Variants in SEZ6L observed in about 807,000 individuals in gnomAD.
The protein encoded by SEZ6L is seizure 6-like protein.
In SEZ6L, 37 loss-of-function variants were observed where a neutral mutation model predicts 106.2. The ratio of observed to expected loss-of-function variants is 0.35; its 90% CI spans 0.27 to 0.46. The LOEUF (loss-of-function observed/expected upper bound fraction) is 0.46. SEZ6L is among the 20% of genes least tolerant of loss of function. The probability of loss-of-function intolerance (pLI) is 1.00; values close to 1 mark genes in which losing one functional copy is unlikely to be tolerated. For missense variants in SEZ6L, 1,172 were observed against 1,332.8 expected (o/e 0.88, Z 1.88); for synonymous variants, 541 against 570.4 (o/e 0.95, Z 0.73).
intron 1 of SEZ6L, among the ~76,000 whole-genome samples, chr22:26,173,058 C>T (rs1938733314): frequency 6.6e-6 from 1 of 152,136 alleles, no homozygotes; most frequent in South Asian, 2.1e-4. Flanking sequence ...AACACATGGC[C>T]TTCAGCAGAA....
chr22:26,208,850 CTGTGTGTGTGTG>C (rs35483380), intron 1 of SEZ6L, among the ~76,000 whole-genome samples: 6,969 of 111,766 alleles, frequency 0.062, 282 homozygotes, highest in East Asian at 0.19. Flanking sequence ...GACTCTCTCT[CTGTGTGTGTGTG>C]TGTGTGTGTG....
At chr22:26,203,764 C>G (rs1264640882) in intron 1 of SEZ6L, among the ~76,000 whole-genome samples, 1 of 152,166 alleles carries the variant, frequency 6.6e-6, no homozygotes, top group Non-Finnish European at 1.5e-5. Context: ...GTTTGGAACC[C>G]TGGTATGTTT....
At chr22:26,376,557 C>T (rs554255295) in intron 15 of SEZ6L, among the ~76,000 whole-genome samples, 4 of 152,038 alleles carry the variant, frequency 2.6e-5, no homozygotes, top group East Asian at 3.9e-4. Flanking sequence ...GCCTGGCCAA[C>T]GTGGTGGAAC....
chr22:26,271,032 C>G (rs1726787376), intron 1 of SEZ6L, among the ~76,000 whole-genome samples: 1 of 152,238 alleles, frequency 6.6e-6, no homozygotes, highest in South Asian at 2.1e-4. Context: ...AGTCGACCCT[C>G]AGAAGATGAC....
At chr22:26,282,960 G>A (rs1044181413) in intron 1 of SEZ6L, among the ~76,000 whole-genome samples, 4 of 151,888 alleles carry the variant, frequency 2.6e-5, no homozygotes, top group Admixed American at 1.3e-4. Context: ...TCTCCCTGTC[G>A]CCCAGGCTGG....
At chr22:26,210,225 G>A (rs2078118649) in intron 1 of SEZ6L, among the ~76,000 whole-genome samples, 1 of 152,098 alleles carries the variant, frequency 6.6e-6, no homozygotes. Context: ...TCTGATCTGA[G>A]ACCATCAGGT....
At chr22:26,344,578 G>A (rs2082948007) in intron 10 of SEZ6L, among the ~76,000 whole-genome samples, 1 of 152,204 alleles carries the variant, frequency 6.6e-6, no homozygotes, top group South Asian at 2.1e-4. Flanking sequence ...AATGGTAGAT[G>A]GTGGTGTGCA....
chr22:26,170,732 A>T (rs748023084), intron 1 of SEZ6L, among the ~76,000 whole-genome samples: 1 of 152,132 alleles, frequency 6.6e-6, no homozygotes, highest in Non-Finnish European at 1.5e-5. Flanking sequence ...AGACCCGAAA[A>T]TCAATGGGAG....
At chr22:26,169,897 G>C in intron 1 of SEZ6L, 134 bp downstream of exon 1, 1 of 408,776 alleles carries the variant, frequency 2.4e-6, no homozygotes. Flanking sequence ...GTCCAAAATC[G>C]GGGCTAGGAA....
At chr22:26,275,588 G>A (rs2080516799) in intron 1 of SEZ6L, among the ~76,000 whole-genome samples, 1 of 152,198 alleles carries the variant, frequency 6.6e-6, no homozygotes, top group African/African-American at 2.4e-5. Flanking sequence ...GCTGCAGAGT[G>A]AGTTAATAAG....
intron 13 of SEZ6L, among the ~76,000 whole-genome samples, chr22:26,372,179 G>A (rs998983219): frequency 5.3e-5 from 8 of 152,186 alleles, no homozygotes; most frequent in Non-Finnish European, 1.5e-5. Flanking sequence ...AACTGCTGAG[G>A]CATTGGTGAG....
At chr22:26,340,751 A>C (rs764692047) in intron 10 of SEZ6L, 119 bp downstream of exon 10, 5 of 821,536 alleles carry the variant, frequency 6.1e-6, no homozygotes, top group East Asian at 2.8e-5. Flanking sequence ...ATTGTATTGA[A>C]ATGTACTCAT....
chr22:26,331,454 G>A (rs943624257), intron 9 of SEZ6L, among the ~76,000 whole-genome samples: 1 of 152,076 alleles, frequency 6.6e-6, no homozygotes, highest in Non-Finnish European at 1.5e-5. Flanking sequence ...CCTCCCTAGA[G>A]GCAATTACTT....
chr22:26,188,169 C>G (rs1411766652), intron 1 of SEZ6L, among the ~76,000 whole-genome samples: 1 of 152,222 alleles, frequency 6.6e-6, no homozygotes, highest in Admixed American at 6.5e-5. Flanking sequence ...GGGAGCCTTC[C>G]CTGCCTGTCT....
At chr22:26,264,260 A>T (rs2080106907) in intron 1 of SEZ6L, among the ~76,000 whole-genome samples, 1 of 152,240 alleles carries the variant, frequency 6.6e-6, no homozygotes, top group African/African-American at 2.4e-5. Flanking sequence ...TCTGAGGTTG[A>T]CAACAGAGCA....
chr22:26,307,904 C>T (rs1373536267), intron 6 of SEZ6L, among the ~76,000 whole-genome samples: 1 of 152,116 alleles, frequency 6.6e-6, no homozygotes, highest in African/African-American at 2.4e-5. Context: ...ATGGGCCCCC[C>T]ACTGGCACTG....
At chr22:26,354,945 G>A (rs1408261156) in intron 12 of SEZ6L, among the ~76,000 whole-genome samples, 1 of 152,270 alleles carries the variant, frequency 6.6e-6, no homozygotes, top group Non-Finnish European at 1.5e-5. Flanking sequence ...TGGCAGCGAC[G>A]TGACAAGCGG....
chr22:26,253,020 C>T (rs191262347), intron 1 of SEZ6L, among the ~76,000 whole-genome samples: 121 of 152,290 alleles, frequency 7.9e-4, no homozygotes, highest in Non-Finnish European at 5.3e-4. Context: ...AGACAGTCTT[C>T]GGGGCCTACC....
intron 12 of SEZ6L, among the ~76,000 whole-genome samples, chr22:26,364,472 A>G (rs1056596010): frequency 6.7e-5 from 10 of 150,134 alleles, no homozygotes; most frequent in Admixed American, 4.6e-4. Flanking sequence ...ACACGCCTAT[A>G]GTCCCAGCTA....
Sources: gnomAD v4.1 joint callset for allele counts (sites outside exome capture counted in the v4.1 genomes callset) on GRCh38, gnomAD v4.1.1 for gene constraint, MANE v1.5 for transcripts, NCBI Gene and HGNC (gene_info 2026-07-23, HGNC 2026-07-21) for gene names.